TMPRSS11E: variants seen among roughly 807,000 people sequenced by gnomAD.
TMPRSS11E encodes transmembrane protease serine 11E.
Under a neutral mutation model 48.1 loss-of-function variants are expected in TMPRSS11E, and 38 were observed. The ratio of observed to expected loss-of-function variants is 0.79; its 90% CI spans 0.61 to 1.04. The LOEUF (loss-of-function observed/expected upper bound fraction) is 1.04. Ranked by LOEUF, TMPRSS11E falls within the 50% of genes least tolerant of loss-of-function variation. The probability of loss-of-function intolerance (pLI) is 0.00; values close to 1 mark genes in which losing one functional copy is unlikely to be tolerated. For missense variants in TMPRSS11E, 530 were observed against 510.8 expected, an observed-to-expected ratio of 1.04 and a Z score of -0.36; for synonymous variants, 158 against 171.9, an observed-to-expected ratio of 0.92 and a Z score of 0.63.
intron 1 of TMPRSS11E, among the ~76,000 whole-genome samples, chr4:68,451,050 C>T (rs1560544833): frequency 6.6e-6 from 1 of 151,746 alleles, no homozygotes; most frequent in African/African-American, 2.4e-5. Context: ...ATAGCAGTGT[C>T]GTGTGTTTCC....
chr4:68,477,649 T>G (rs1325831727), intron 8 of TMPRSS11E, 21 bp downstream of exon 8: 2 of 1,607,422 alleles, frequency 1.2e-6, no homozygotes, highest in African/African-American at 1.3e-5. Context: ...GAAGAGGAAC[T>G]CAAGTAAAAG....
rs191092556 is a variant in TMPRSS11E at position 68,497,413 on chromosome 4, G to C, written c.*609G>C. On this transcript the variant is annotated 3_prime_UTR_variant, in exon 10 of 10. Transcript: ENST00000305363. ...CTAAGTTAAGGAAATCCAGAAAGAA[G>C]CCAAGATATATCCTTATTTTCATTT... The C allele has an allele frequency of 2.6e-5, 4 of 152,162 alleles. No homozygotes were observed. In the East Asian group the frequency reaches 7.7e-4, roughly 29 times the overall value. 9.4% of individuals were successfully genotyped at this position (152,162 alleles called of 1,614,324 possible). A position where few individuals can be genotyped will look rare whatever the true frequency, so the allele number is the denominator to read the frequency against.
intron 5 of TMPRSS11E, among the ~76,000 whole-genome samples, chr4:68,473,674 A>C (rs1199716224): frequency 6.6e-6 from 1 of 152,086 alleles, no homozygotes; most frequent in Admixed American, 6.6e-5. Context: ...GGCCATTGTG[A>C]GTGTGAGACC....
rs1324516511 is a variant in TMPRSS11E at position 68,466,753 on chromosome 4, G to A, written c.258+1G>A. The A allele has an allele frequency of 6.2e-7, 1 of 1,613,210 alleles. No homozygotes were observed. Among genetic ancestry groups the A allele is most frequent in the Non-Finnish European group, 8.5e-7 (1 of 1,179,540 alleles). The stretch of plus-strand genomic sequence containing the variant: ...AATGAGCCAGAGACTTGAATCAATG[G>A]TAAGCAACTTGTCATCTACTTCTAG... On this transcript the variant is annotated splice_donor_variant, in intron 3 of 9. Transcript: ENST00000305363. LOFTEE classifies it high-confidence loss of function.
chr4:68,481,204 G>C (rs1729390434), intron 9 of TMPRSS11E, among the ~76,000 whole-genome samples: 1 of 152,164 alleles, frequency 6.6e-6, no homozygotes, highest in Non-Finnish European at 1.5e-5. Flanking sequence ...CCAGTCCACT[G>C]TTGATGGACA....
intron 5 of TMPRSS11E, 106 bp downstream of exon 5, chr4:68,471,729 T>C: frequency 1.3e-6 from 1 of 772,234 alleles, no homozygotes; most frequent in Non-Finnish European, 2.0e-6. Context: ...TCTGGGGTCT[T>C]GCCACCAACA....
At chr4:68,470,055 C>T (rs1363019102) in intron 4 of TMPRSS11E, among the ~76,000 whole-genome samples, 2 of 151,766 alleles carry the variant, frequency 1.3e-5, no homozygotes, top group Admixed American at 6.6e-5. Flanking sequence ...AAGATGAAGT[C>T]AATTTTGGAG....
intron 1 of TMPRSS11E, among the ~76,000 whole-genome samples, chr4:68,455,696 A>G (rs908382383): frequency 1.2e-4 from 18 of 151,990 alleles, no homozygotes; most frequent in African/African-American, 4.3e-4. Context: ...TTGCAGTGAT[A>G]TCAGCACACT....
chr4:68,447,840 CAT>C (rs1455813181), intron 1 of TMPRSS11E, among the ~76,000 whole-genome samples: 1 of 151,736 alleles, frequency 6.6e-6, no homozygotes, highest in Non-Finnish European at 1.5e-5. Context: ...AAAGATATAA[CAT>C]ATTTTTAGCT....
chr4:68,495,820 A>C (rs1194614822), intron 9 of TMPRSS11E, among the ~76,000 whole-genome samples: 4 of 152,122 alleles, frequency 2.6e-5, no homozygotes, highest in Admixed American at 2.6e-4. Context: ...ACCTAGTTCT[A>C]TGTTTTTTGT....
intron 1 of TMPRSS11E, among the ~76,000 whole-genome samples, chr4:68,455,025 G>T (rs966927793): frequency 1.3e-5 from 2 of 151,868 alleles, no homozygotes; most frequent in African/African-American, 4.8e-5. Context: ...CTGAATGGTA[G>T]AACTTATTCC....
At position 68,496,679 on chromosome 4, in the gene TMPRSS11E, A is replaced by T; in HGVS notation, c.1147A>T (p.Arg383Ter). 6.2e-7 allele frequency: 1 copy of T among 1,610,974 alleles called. No homozygotes were observed. Among genetic ancestry groups the T allele is most frequent in the Non-Finnish European group, 8.5e-7 (1 of 1,177,248 alleles). Reference sequence around the variant, plus strand: ...AGGACCACTGGTTAGTTCAGATGCTAGAGATATCTGGTACCTTGCTGGAAT... The same window carrying T: ...AGGACCACTGGTTAGTTCAGATGCTTGAGATATCTGGTACCTTGCTGGAAT... ...SGGPLVSSDARDIWYLAGIVS... is the reference protein window; with the variant it reads ...SGGPLVSSDA Residue 383 changes from arginine (R) to a stop codon, truncating the protein, a stop_gained, in exon 10 of 10, where the codon AGA (arginine) becomes TGA (stop). Transcript: ENST00000305363. LOFTEE classifies it high-confidence loss of function.
intron 6 of TMPRSS11E, among the ~76,000 whole-genome samples, chr4:68,475,800 T>C (rs1729196166): frequency 6.6e-6 from 1 of 152,178 alleles, no homozygotes; most frequent in Non-Finnish European, 1.5e-5. Flanking sequence ...GCCAAGATCT[T>C]ATGATGCACA....
At chr4:68,468,710 A>T (rs1384434862) in intron 3 of TMPRSS11E, among the ~76,000 whole-genome samples, 169 bp from the exon 4 acceptor site, 1 of 152,062 alleles carries the variant, frequency 6.6e-6, no homozygotes, top group Non-Finnish European at 1.5e-5. Context: ...AGTTGAAATC[A>T]CTGAGAAAAC....
rs1358186233 is a variant in TMPRSS11E at position 68,476,279 on chromosome 4, G to C, written c.548G>C (p.Ser183Thr). ...YLNHCCGTRRSKTLGQSLRIV... is the reference protein window; with the variant it reads ...YLNHCCGTRRTKTLGQSLRIV... Reference sequence around the variant, plus strand: ...TTTGCAGGCTGCGGAACACGAAGAAGTAAAACTCTAGGTCAGAGTCTCAGG... The same window carrying C: ...TTTGCAGGCTGCGGAACACGAAGAACTAAAACTCTAGGTCAGAGTCTCAGG... The change falls in exon 7 of 10, where the codon AGT (serine) becomes ACT (threonine). Residue 183 changes from serine (S) to threonine (T), a missense_variant. By Grantham distance (58) the Ser-to-Thr change is moderately conservative (BLOSUM62 1). Transcript: ENST00000305363. 1 of 1,614,144 alleles carries C rather than the reference G, an allele frequency of 6.2e-7. No individual in the cohort carries two copies. Among genetic ancestry groups the C allele is most frequent in the Admixed American group, 1.7e-5 (1 of 60,022 alleles).
chr4:68,492,441 G>A (rs900180098), intron 9 of TMPRSS11E, among the ~76,000 whole-genome samples: 3 of 152,116 alleles, frequency 2.0e-5, no homozygotes, highest in East Asian at 1.9e-4. Context: ...GTAAACAAGT[G>A]TCTTTTCTTG....
chr4:68,476,267 G>C lies in TMPRSS11E; in HGVS notation c.536G>C (p.Gly179Ala). The C allele has an allele frequency of 6.2e-7, 1 of 1,613,980 alleles. No individual in the cohort carries two copies. Among genetic ancestry groups the C allele is most frequent in the Non-Finnish European group, 8.5e-7 (1 of 1,179,966 alleles). ...ETDSYLNHCC[G>A]TRRSKTLGQS... The stretch of plus-strand genomic sequence containing the variant: ...CCCCCTCTCTCTTTTGCAGGCTGCG[G>C]AACACGAAGAAGTAAAACTCTAGGT... Residue 179 changes from glycine to alanine, a missense_variant, in exon 7 of 10, where the codon GGA becomes GCA. Transcript: ENST00000305363.
intron 9 of TMPRSS11E, among the ~76,000 whole-genome samples, chr4:68,493,817 CCA>C: frequency 6.6e-6 from 1 of 152,184 alleles, no homozygotes. Flanking sequence ...TGTCTAGCAT[CCA>C]CAGTTTTTAC....
Position 68,471,599 on chromosome 4 carries a change from G to C in TMPRSS11E, c.466G>C (p.Asp156His). Residue 156 changes from aspartate (D) to histidine (H), a missense_variant, in exon 5 of 10, where the codon GAT becomes CAT. Asp to His is a moderately conservative substitution (Grantham distance 81). Transcript: ENST00000305363. ...LQDAVGPPKV[D>H]PHSVKIKKIN... ...AGATGCTGTAGGACCCCCTAAAGTAGATCCTCACTCAGTTAAAATTAAAAG... is the reference window on the plus strand; with the variant it reads ...AGATGCTGTAGGACCCCCTAAAGTACATCCTCACTCAGTTAAAATTAAAAG... 1 of 1,596,714 alleles carries C rather than the reference G, an allele frequency of 6.3e-7. No homozygotes were observed. The highest frequency in any genetic ancestry group is 2.3e-5 in the East Asian group (1 of 44,438).
Sources: allele counts gnomAD v4.1 joint callset (sites outside exome capture counted in the v4.1 genomes callset), GRCh38; gene constraint gnomAD v4.1.1; transcripts MANE v1.5; gene names NCBI Gene and HGNC (gene_info 2026-07-23, HGNC 2026-07-21).